The following PDE11A variants were observed in gnomAD, a reference collection of about 807,000 sequenced individuals.
PDE11A encodes phosphodiesterase 11A, also known as dual 3',5'-cyclic-AMP and -GMP phosphodiesterase 11A.
A neutral mutation model predicts 100.5 loss-of-function variants in PDE11A; 100 were observed. That is an observed-to-expected ratio of 1.00 (90% CI 0.85 to 1.18). The LOEUF is 1.18. Among genes scored for constraint, PDE11A ranks in the 50% most tolerant of loss-of-function variants. The pLI, the probability that PDE11A is intolerant of heterozygous loss-of-function variation, is 0.00. For missense variants in PDE11A, 1,141 were observed against 1,152.6 expected (o/e 0.99, Z 0.15); for synonymous variants, 381 against 420.8 (o/e 0.91, Z 1.16).
chr2:177,867,884 G>T (rs1307356988), intron 5 of PDE11A, among the ~76,000 whole-genome samples: 1 of 152,174 alleles, frequency 6.6e-6, no homozygotes. Context: ...CAAAGACAAA[G>T]GGTGGTAACC....
intron 1 of PDE11A, among the ~76,000 whole-genome samples, chr2:178,024,325 T>A (rs1474998589): frequency 6.6e-6 from 1 of 152,078 alleles, no homozygotes; most frequent in African/African-American, 2.4e-5. Flanking sequence ...GGCAGGAGAA[T>A]TGCTTGGGCC....
At chr2:177,665,684 T>C (rs907523282) in intron 18 of PDE11A, among the ~76,000 whole-genome samples, 3 of 151,186 alleles carry the variant, frequency 2.0e-5, no homozygotes, top group Admixed American at 2.0e-4. Flanking sequence ...GGCGAAACCC[T>C]GTTTCTACTA....
At chr2:177,931,902 C>A (rs2085210438) in intron 2 of PDE11A, among the ~76,000 whole-genome samples, 1 of 117,870 alleles carries the variant, frequency 8.5e-6, no homozygotes, top group African/African-American at 3.2e-5. Flanking sequence ...AGACCACTAG[C>A]TAGATTAACA....
intron 15 of PDE11A, among the ~76,000 whole-genome samples, chr2:177,692,886 TTTTTTCC>T (rs1477116106): frequency 6.6e-6 from 1 of 152,172 alleles, no homozygotes; most frequent in Non-Finnish European, 1.5e-5. Flanking sequence ...TCTCATATAT[TTTTTTCC>T]TTTTAGAGCA....
chr2:177,720,550 C>A (rs2081511516), intron 12 of PDE11A, among the ~76,000 whole-genome samples: 1 of 152,068 alleles, frequency 6.6e-6, no homozygotes, highest in South Asian at 2.1e-4. Flanking sequence ...GAAAAGGGGG[C>A]ACCTTAGCCC....
At chr2:177,980,974 A>T (rs1245266610) in intron 2 of PDE11A, among the ~76,000 whole-genome samples, 1 of 73,420 alleles carries the variant, frequency 1.4e-5, no homozygotes, top group African/African-American at 5.7e-5. Flanking sequence ...TGAGAACTAG[A>T]TACACACACA....
chr2:177,871,036 T>G (rs2084122347), intron 5 of PDE11A, among the ~76,000 whole-genome samples: 1 of 152,138 alleles, frequency 6.6e-6, no homozygotes, highest in East Asian at 1.9e-4. Flanking sequence ...CCATCAATAC[T>G]CATGACCAGG....
At chr2:177,813,368 T>C (rs1272179657) in intron 9 of PDE11A, among the ~76,000 whole-genome samples, 10 of 152,228 alleles carry the variant, frequency 6.6e-5, no homozygotes, top group Non-Finnish European at 4.4e-5. Context: ...TGAGGATTCC[T>C]GTACTTCCCA....
intron 2 of PDE11A, among the ~76,000 whole-genome samples, chr2:177,987,830 C>T (rs1559033402): frequency 2.0e-5 from 3 of 152,012 alleles, no homozygotes; most frequent in African/African-American, 4.8e-5. Flanking sequence ...AAGAACCAGG[C>T]GATATTCTTT....
intron 2 of PDE11A, chr2:177,953,419 A>G (rs2085527070): frequency 1.3e-5 from 2 of 152,206 alleles, no homozygotes; most frequent in African/African-American, 2.4e-5. Flanking sequence ...AGAAGGAAAG[A>G]AAAGTGAATA....
intron 15 of PDE11A, among the ~76,000 whole-genome samples, chr2:177,685,999 ATCAG>A (rs1429227742): frequency 7.9e-5 from 12 of 152,226 alleles, no homozygotes; most frequent in African/African-American, 2.7e-4. Flanking sequence ...CAGAATCAAA[ATCAG>A]TCATAGACTT....
At chr2:177,728,837 G>C (rs2081640736) in intron 10 of PDE11A, among the ~76,000 whole-genome samples, 1 of 151,914 alleles carries the variant, frequency 6.6e-6, no homozygotes, top group Non-Finnish European at 1.5e-5. Context: ...TTACAATACT[G>C]GTCATACATA....
rs1371798999 is a variant in PDE11A at position 177,876,765 on chromosome 2, T to TGCTA, written c.1303-846_1303-843dup. Among the ~76,000 whole-genome samples, 2 of 147,942 alleles carry TGCTA rather than the reference T, an allele frequency of 1.4e-5. 1 individual carries two copies. On this transcript the variant is annotated intron_variant, in intron 4 of 19. Transcript: ENST00000286063. ...AAAGGAATTCTCTCTGATGCTAGAG[T>TGCTA]GCTAGCTCTTTCAACACTACAAATG...
chr2:177,820,598 C>T (rs2083122578), intron 6 of PDE11A, among the ~76,000 whole-genome samples: 1 of 151,894 alleles, frequency 6.6e-6, no homozygotes, highest in South Asian at 2.1e-4. Context: ...ATGACCACAC[C>T]ACTAGACAAG....
intron 2 of PDE11A, among the ~76,000 whole-genome samples, chr2:177,913,863 G>C (rs977925767): frequency 1.3e-5 from 2 of 151,994 alleles, no homozygotes; most frequent in African/African-American, 2.4e-5. Flanking sequence ...CATGCACCTG[G>C]ACAATACTTC....
In PDE11A at chr2:177,629,488, C is replaced by T. The variant is rs770126700; in HGVS notation, c.2721G>A (p.Glu907=). The T allele has an allele frequency of 1.2e-6, 2 of 1,613,624 alleles. No individual in the cohort carries two copies. The highest frequency in any genetic ancestry group is 1.7e-6 in the Non-Finnish European group (2 of 1,179,712). ...SVATNRSKWE[E]LHQKRLLAST... ...AGGCCAGCAGTCGTTTTTGGTGTAG[C>T]TCTTCCCACTTACTTCTGTTTGTAG... The change falls in exon 20 of 20, where the codon GAG becomes GAA. Residue 907 remains glutamate, a synonymous_variant. Coordinates refer to ENST00000286063, the MANE Select transcript of PDE11A (RefSeq NM_016953.4).
intron 2 of PDE11A, among the ~76,000 whole-genome samples, chr2:177,959,083 G>A (rs991964873): frequency 3.9e-5 from 6 of 152,082 alleles, no homozygotes; most frequent in African/African-American, 9.7e-5. Flanking sequence ...GAAGGTCAAC[G>A]GACTAATTTG....
chr2:177,707,420 T>C (rs1178446112), intron 13 of PDE11A, among the ~76,000 whole-genome samples: 2 of 152,188 alleles, frequency 1.3e-5, no homozygotes, highest in African/African-American at 4.8e-5. Flanking sequence ...TTCACAAGCA[T>C]GGCTGGGTCT....
At chr2:177,863,358 T>C (rs1211422043) in intron 5 of PDE11A, among the ~76,000 whole-genome samples, 3 of 151,970 alleles carry the variant, frequency 2.0e-5, no homozygotes, top group Non-Finnish European at 4.4e-5. Context: ...AAAGCTTCTG[T>C]ACACCAAAGG....
Sources: gnomAD v4.1 joint callset for allele counts (sites outside exome capture counted in the v4.1 genomes callset) on GRCh38, gnomAD v4.1.1 for gene constraint, MANE v1.5 for transcripts, NCBI Gene and HGNC (gene_info 2026-07-23, HGNC 2026-07-21) for gene names.